The following SOS2 variants were observed in gnomAD, a reference collection of about 807,000 sequenced individuals.
The protein encoded by SOS2 is son of sevenless homolog 2.
Under a neutral mutation model 148.2 loss-of-function variants are expected in SOS2, and 65 were observed. The ratio of observed to expected loss-of-function variants is 0.44; its 90% CI spans 0.36 to 0.54. SOS2 has a LOEUF of 0.54. Ranked by LOEUF, SOS2 falls within the 20% of genes least tolerant of loss-of-function variation. SOS2 has a pLI of 0.00. For missense variants in SOS2, 1,341 were observed against 1,590.2 expected, an observed-to-expected ratio of 0.84 and a Z score of 2.67; for synonymous variants, 539 against 537.1, an observed-to-expected ratio of 1.00 and a Z score of -0.05.
intron 3 of SOS2, 127 bp from the exon 4 acceptor site, chr14:50,199,982 G>C: frequency 1.8e-6 from 1 of 557,340 alleles, no homozygotes; most frequent in South Asian, 2.5e-5. Flanking sequence ...AAATGTATGG[G>C]TACCACGGGA....
intron 1 of SOS2, chr14:50,230,918 AC>A: frequency 9.2e-7 from 1 of 1,083,966 alleles, no homozygotes; most frequent in Non-Finnish European, 1.1e-6. Flanking sequence ...CCTGAGGACA[AC>A]AAATTGGTCA....
intron 13 of SOS2, among the ~76,000 whole-genome samples, 163 bp downstream of exon 13, chr14:50,152,907 G>C (rs1594975790): frequency 6.6e-6 from 1 of 152,080 alleles, no homozygotes; most frequent in African/African-American, 2.4e-5. Context: ...GGAGGTTGCA[G>C]TGAGCTGAGA....
intron 4 of SOS2, among the ~76,000 whole-genome samples, chr14:50,191,904 G>A (rs548915490): frequency 1.3e-5 from 2 of 152,058 alleles, no homozygotes; most frequent in African/African-American, 4.8e-5. Flanking sequence ...TTCACTAGAA[G>A]GTCACCAGTC....
chr14:50,137,023 C>T (rs1455085569), intron 18 of SOS2, among the ~76,000 whole-genome samples: 1 of 152,152 alleles, frequency 6.6e-6, no homozygotes, highest in Non-Finnish European at 1.5e-5. Flanking sequence ...TATTTTCACT[C>T]AATATGCCCA....
intron 14 of SOS2, 48 bp downstream of exon 14, chr14:50,149,959 TG>T (rs779475309): frequency 8.1e-7 from 1 of 1,239,024 alleles, no homozygotes; most frequent in South Asian, 1.2e-5. Context: ...AAATAGGTAA[TG>T]TTCAAGATTC....
At chr14:50,152,026 A>G (rs781261256) in intron 13 of SOS2, among the ~76,000 whole-genome samples, 2 of 152,182 alleles carry the variant, frequency 1.3e-5, no homozygotes, top group Admixed American at 6.5e-5. Flanking sequence ...GCACTGGCCT[A>G]GAATACAACT....
chr14:50,220,244 CA>C (rs36053914), intron 1 of SOS2, among the ~76,000 whole-genome samples: 16 of 140,180 alleles, frequency 1.1e-4, no homozygotes, highest in Admixed American at 2.2e-4. Context: ...ACTAAAAATA[CA>C]AAAAAAAAAA....
intron 4 of SOS2, among the ~76,000 whole-genome samples, chr14:50,190,456 A>G (rs1886092548): frequency 6.6e-6 from 1 of 152,158 alleles, no homozygotes; most frequent in South Asian, 2.1e-4. Context: ...TTTTGAATCT[A>G]ACTCAGAAAT....
intron 4 of SOS2, among the ~76,000 whole-genome samples, chr14:50,199,035 C>T (rs1190864842): frequency 1.3e-5 from 2 of 152,070 alleles, no homozygotes; most frequent in African/African-American, 4.8e-5. Flanking sequence ...CGCCTGTGGT[C>T]CTAGCTACTC....
intron 3 of SOS2, among the ~76,000 whole-genome samples, chr14:50,200,485 A>G (rs1424887775): frequency 6.6e-6 from 1 of 152,150 alleles, no homozygotes; most frequent in Non-Finnish European, 1.5e-5. Flanking sequence ...TAATCAACAA[A>G]TGACTGAGAA....
At chr14:50,148,115 A>C (rs1461837412) in intron 14 of SOS2, among the ~76,000 whole-genome samples, 1 of 152,196 alleles carries the variant, frequency 6.6e-6, no homozygotes, top group Non-Finnish European at 1.5e-5. Flanking sequence ...ATTTCACCAG[A>C]AATTTAGTTT....
chr14:50,163,486 T>C (rs560127966), intron 8 of SOS2, among the ~76,000 whole-genome samples: 23 of 152,300 alleles, frequency 1.5e-4, no homozygotes, highest in Non-Finnish European at 2.2e-4. Context: ...TCAAGACACA[T>C]GTAGAGGTCT....
At chr14:50,192,858 T>C (rs1421840317) in intron 4 of SOS2, among the ~76,000 whole-genome samples, 1 of 150,170 alleles carries the variant, frequency 6.7e-6, no homozygotes, top group African/African-American at 2.5e-5. Flanking sequence ...AGTGAGAGTC[T>C]GTCTCAGAAG....
chr14:50,134,259 A>C lies in SOS2; in HGVS notation c.2959-20T>G, dbSNP rs375042033. On this transcript the variant is annotated intron_variant, in intron 18 of 22. Transcript: ENST00000216373. The stretch of plus-strand genomic sequence containing the variant: ...GAATCTCTGGAATTAAACAAATAAC[A>C]CAAGTGCATATATAGTAAGTATATA... 16 of 1,071,280 alleles carry C rather than the reference A, an allele frequency of 1.5e-5. No homozygotes were observed. The highest frequency in any genetic ancestry group is 2.1e-5 in the Non-Finnish European group (15 of 699,166). 66.4% of individuals were successfully genotyped at this position (1,071,280 alleles called of 1,614,324 possible). A position where few individuals can be genotyped will look rare whatever the true frequency, so the allele number is the denominator to read the frequency against.
intron 5 of SOS2, among the ~76,000 whole-genome samples, chr14:50,186,149 TTAGA>T (rs1308026359): frequency 1.3e-5 from 2 of 152,176 alleles, no homozygotes; most frequent in Non-Finnish European, 2.9e-5. Flanking sequence ...TGCTCTGATT[TTAGA>T]TAGTCTTTCC....
intron 9 of SOS2, among the ~76,000 whole-genome samples, chr14:50,160,969 T>C (rs1006353188): frequency 2.0e-5 from 3 of 151,420 alleles, no homozygotes; most frequent in Non-Finnish European, 4.4e-5. Context: ...TGAGATCACA[T>C]CACTGCACTC....
At chr14:50,147,044 A>AC (rs547763370) in intron 14 of SOS2, among the ~76,000 whole-genome samples, 97 of 149,912 alleles carry the variant, frequency 6.5e-4, no homozygotes, top group African/African-American at 2.0e-3. Context: ...AAATAAAACA[A>AC]AAAAAAAAAC....
intron 1 of SOS2, chr14:50,215,580 A>G (rs1360182306): frequency 9.3e-6 from 7 of 749,862 alleles, no homozygotes; most frequent in Admixed American, 4.3e-5. Flanking sequence ...TAGTTACACC[A>G]TATTTTCAAA....
At chr14:50,131,135 T>C (rs1485712781) in intron 19 of SOS2, among the ~76,000 whole-genome samples, 1 of 152,050 alleles carries the variant, frequency 6.6e-6, no homozygotes, top group Non-Finnish European at 1.5e-5. Flanking sequence ...TGCTATATGC[T>C]TCAGAAAAAA....
Sources: allele counts gnomAD v4.1 joint callset (sites outside exome capture counted in the v4.1 genomes callset), GRCh38; gene constraint gnomAD v4.1.1; transcripts MANE v1.5; gene names NCBI Gene and HGNC (gene_info 2026-07-23, HGNC 2026-07-21).